Variants in MN1 observed in about 807,000 individuals in gnomAD.
The protein encoded by MN1 is MN1 proto-oncogene, transcriptional regulator, also known as transcriptional activator MN1.
MN1 carries 19 observed loss-of-function variants against 86.9 expected under a neutral mutation model. The observed-to-expected ratio is 0.22, with a 90% CI of 0.15 to 0.32. MN1 has a LOEUF of 0.32. MN1 is among the 10% of genes least tolerant of loss of function. The pLI, the probability that MN1 is intolerant of heterozygous loss-of-function variation, is 1.00. For synonymous variants in MN1, 928 were observed against 849.6 expected, an observed-to-expected ratio of 1.09 and a Z score of -1.60; for missense variants, 1,841 against 1,862.0, an observed-to-expected ratio of 0.99 and a Z score of 0.21.
intron 1 of MN1, among the ~76,000 whole-genome samples, chr22:27,756,360 C>T (rs189139698): frequency 3.9e-5 from 6 of 152,272 alleles, no homozygotes; most frequent in African/African-American, 9.6e-5. Flanking sequence ...GGGTGAGCCA[C>T]GTGCTCAGGC....
intron 1 of MN1, among the ~76,000 whole-genome samples, chr22:27,753,916 G>C (rs952594823): frequency 6.6e-6 from 1 of 152,158 alleles, no homozygotes; most frequent in Non-Finnish European, 1.5e-5. Context: ...GATCTGGACT[G>C]GGGTGGGGTG....
At chr22:27,767,541 C>T (rs1312754680) in intron 1 of MN1, among the ~76,000 whole-genome samples, 1 of 151,996 alleles carries the variant, frequency 6.6e-6, no homozygotes, top group Non-Finnish European at 1.5e-5. Flanking sequence ...TGCAGGAGTC[C>T]CCTGGGATGA....
chr22:27,799,660 T>C lies in MN1; in HGVS notation c.884A>G (p.Gln295Arg), dbSNP rs1339739234. Residue 295 changes from glutamine (Q) to arginine (R), a missense_variant, in exon 1 of 2, where the codon CAG becomes CGG. Transcript: ENST00000302326. ...GGGCTGCTGCTGCTGCTGGGGCTGC[T>C]GCTGCGGTGGCTGGGCGTGCATTTT... ...LSKMHAQPPQ[Q>R]QPQQQQQPQQ... is the part of the protein sequence containing the mutation. The C allele has an allele frequency of 6.4e-7, 1 of 1,551,104 alleles. No homozygotes were observed. The highest frequency in any genetic ancestry group is 8.7e-7 in the Non-Finnish European group (1 of 1,147,424).
chr22:27,767,349 A>AG (rs1339707058), intron 1 of MN1, among the ~76,000 whole-genome samples: 1 of 152,104 alleles, frequency 6.6e-6, no homozygotes, highest in Non-Finnish European at 1.5e-5. Context: ...ATTTACTGAG[A>AG]GGGGCGACGC....
chr22:27,797,571 T>C lies in MN1; in HGVS notation c.2973A>G (p.Ala991=). ...GCGTCGGTGCCCCGCGCGTCTCGCC[T>C]GCGGAGCTTCCCCCGACGGCTGCGC... The part of the protein sequence containing the change: ...ASGAAVGGSS[A]GETRGAPTPH... The change falls in exon 1 of 2, where the codon GCA becomes GCG. Residue 991 remains alanine, a synonymous_variant. Transcript: ENST00000302326. The C allele has an allele frequency of 1.2e-6, 2 of 1,604,662 alleles. No homozygotes were observed. The highest frequency in any genetic ancestry group is 1.7e-6 in the Non-Finnish European group (2 of 1,175,658).
At chr22:27,774,201 C>A (rs961859887) in intron 1 of MN1, among the ~76,000 whole-genome samples, 6 of 152,190 alleles carry the variant, frequency 3.9e-5, no homozygotes, top group African/African-American at 1.4e-4. Flanking sequence ...CTGGGCAGAT[C>A]GCTTCCTCTA....
chr22:27,767,512 C>T (rs1445571155), intron 1 of MN1, among the ~76,000 whole-genome samples: 1 of 152,084 alleles, frequency 6.6e-6, no homozygotes, highest in Non-Finnish European at 1.5e-5. Context: ...AATGGAGGTG[C>T]CTGTAATAAA....
At chr22:27,755,933 C>T (rs949829544) in intron 1 of MN1, among the ~76,000 whole-genome samples, 1 of 152,248 alleles carries the variant, frequency 6.6e-6, no homozygotes, top group African/African-American at 2.4e-5. Flanking sequence ...ATCACTTCAG[C>T]TCTCAGAACC....
At chr22:27,762,046 A>C (rs530397544) in intron 1 of MN1, among the ~76,000 whole-genome samples, 2 of 152,248 alleles carry the variant, frequency 1.3e-5, no homozygotes, top group East Asian at 3.9e-4. Flanking sequence ...GGATGGACAG[A>C]GTGGGCTCCT....
chr22:27,773,633 G>T (rs1932940234), intron 1 of MN1, among the ~76,000 whole-genome samples: 2 of 152,276 alleles, frequency 1.3e-5, no homozygotes, highest in South Asian at 4.1e-4. Context: ...CAAACCCTAG[G>T]CCCCAAACAT....
rs36207111 is a variant in MN1 at position 27,792,317 on chromosome 22, C to CATATATATATAT, written c.3781+4434_3781+4445dup. Among the ~76,000 whole-genome samples, 271 of 113,996 alleles carry CATATATATATAT rather than the reference C, an allele frequency of 2.4e-3. 1 individual carries two copies. Among genetic ancestry groups the CATATATATATAT allele is most frequent in the Non-Finnish European group, 3.4e-3 (176 of 52,534 alleles). 74.8% of individuals were successfully genotyped at this position (113,996 alleles called of 152,430 possible). ...AAAGCCCTTCAATCTATAAAAATTG[C>CATATATATATAT]ATATATATATATATATATATATATA... On this transcript the variant is annotated intron_variant, in intron 1 of 1. Transcript: ENST00000302326.
In MN1 at chr22:27,798,391, C is replaced by T; in HGVS notation, c.2153G>A (p.Gly718Asp). The T allele has an allele frequency of 6.6e-7, 1 of 1,508,476 alleles. No individual in the cohort carries two copies. The highest frequency in any genetic ancestry group is 8.8e-7 in the Non-Finnish European group (1 of 1,137,570). The allele number at this position is 1,508,476 out of a possible 1,614,324, so 93.4% of individuals were successfully genotyped here. A position where few individuals can be genotyped will look rare whatever the true frequency, so the allele number is the denominator to read the frequency against. The change falls in exon 1 of 2, where the codon GGC (glycine) becomes GAC (aspartate). Residue 718 changes from glycine (G) to aspartate (D), a missense_variant. Gly to Asp is a moderately conservative substitution (Grantham distance 94). Transcript: ENST00000302326. ...CGAAGCAGCGCTGGGGAGCCCCACGCCCGCCCCGGGCGACTGCAGCTGACC... is the reference window on the plus strand; with the variant it reads ...CGAAGCAGCGCTGGGGAGCCCCACGTCCGCCCCGGGCGACTGCAGCTGACC... The part of the protein sequence containing the change: ...GLGQLQSPGA[G>D]VGLPSAASER...
At chr22:27,765,354 C>G (rs1172966250) in intron 1 of MN1, among the ~76,000 whole-genome samples, 2 of 152,100 alleles carry the variant, frequency 1.3e-5, no homozygotes, top group African/African-American at 4.8e-5. Context: ...GCAGAAACCT[C>G]TTTGTCTTTC....
At position 27,798,273 on chromosome 22, in the gene MN1, C is replaced by T. The variant is rs749925998; in HGVS notation, c.2271G>A (p.Pro757=). 2.2e-5 allele frequency: 34 copies of T among 1,526,678 alleles called. No homozygotes were observed. The South Asian group carries it at 4.1e-4, about 18-fold the overall frequency. 94.6% of individuals were successfully genotyped at this position (1,526,678 alleles called of 1,614,324 possible). A position where few individuals can be genotyped will look rare whatever the true frequency, so the allele number is the denominator to read the frequency against. The part of the protein sequence containing the change: ...PFGAAGRQST[P]HSGPGVNSPP... ...GCGAGTTCACGCCTGGACCGCTGTG[C>T]GGCGTGGACTGCCGGCCGGCTGCAC... Residue 757 remains proline (P), a synonymous_variant, in exon 1 of 2, where the codon CCG becomes CCA. Coordinates refer to ENST00000302326, the MANE Select transcript of MN1 (RefSeq NM_002430.3).
chr22:27,796,437 G>A (rs1465443409), intron 1 of MN1, among the ~76,000 whole-genome samples: 1 of 151,514 alleles, frequency 6.6e-6, no homozygotes, highest in Non-Finnish European at 1.5e-5. Context: ...AAAGGGAAGG[G>A]GCAATTCAGC....
At chr22:27,751,195 C>T (rs1932761549) in intron 1 of MN1, 99 bp from the exon 2 acceptor site, 5 of 939,960 alleles carry the variant, frequency 5.3e-6, no homozygotes, top group Middle Eastern at 3.7e-4. Context: ...AGACAGGCAC[C>T]GTCCACGCCC....
intron 1 of MN1, among the ~76,000 whole-genome samples, chr22:27,792,250 G>A (rs1390931464): frequency 6.9e-6 from 1 of 145,812 alleles, no homozygotes; most frequent in Non-Finnish European, 1.5e-5. Flanking sequence ...GGCCTCACAA[G>A]AAATCTAAAT....
At chr22:27,779,465 G>A (rs1280360460) in intron 1 of MN1, among the ~76,000 whole-genome samples, 1 of 152,226 alleles carries the variant, frequency 6.6e-6, no homozygotes, top group Non-Finnish European at 1.5e-5. Context: ...TGACGGCCAT[G>A]AGGAGGCAAG....
At position 27,799,989 on chromosome 22, in the gene MN1, G is replaced by C. The variant is rs200302401; in HGVS notation, c.555C>G (p.Ala185=). ...DFHSSGASSH[A]VPAPCLPLDQ... is the part of the protein sequence containing the mutation. Reference sequence around the variant, plus strand: ...CCAGCGGCAGGCATGGGGCCGGCACGGCGTGGCTGGAGGCACCTGAACTGT... The same window carrying C: ...CCAGCGGCAGGCATGGGGCCGGCACCGCGTGGCTGGAGGCACCTGAACTGT... The change falls in exon 1 of 2, where the codon GCC becomes GCG. Residue 185 remains alanine, a synonymous_variant. Transcript: ENST00000302326. 2 of 1,603,860 alleles carry C rather than the reference G, an allele frequency of 1.2e-6. No individual in the cohort carries two copies. Among genetic ancestry groups the C allele is most frequent in the Non-Finnish European group, 1.7e-6 (2 of 1,177,658 alleles).
Sources: allele counts gnomAD v4.1 joint callset (sites outside exome capture counted in the v4.1 genomes callset), GRCh38; gene constraint gnomAD v4.1.1; transcripts MANE v1.5; gene names NCBI Gene and HGNC (gene_info 2026-07-23, HGNC 2026-07-21).